PARD3B: variants seen among roughly 807,000 people sequenced by gnomAD.
The protein encoded by PARD3B is par-3 family cell polarity regulator beta.
In PARD3B, 103 loss-of-function variants were observed where a neutral mutation model predicts 130.2. The observed-to-expected ratio is 0.79, with a 90% confidence interval of 0.67 to 0.93. PARD3B has a LOEUF of 0.93. PARD3B is among the 40% of genes least tolerant of loss of function. The pLI, the probability that PARD3B is intolerant of heterozygous loss-of-function variation, is 0.00. For missense variants in PARD3B, 1,609 were observed against 1,499.2 expected, an observed-to-expected ratio of 1.07 and a Z score of -1.21; for synonymous variants, 583 against 553.2, an observed-to-expected ratio of 1.05 and a Z score of -0.76.
At chr2:204,607,377 G>T (rs1207858117) in intron 1 of PARD3B, among the ~76,000 whole-genome samples, 4 of 152,114 alleles carry the variant, frequency 2.6e-5, no homozygotes, top group Non-Finnish European at 5.9e-5. Context: ...AAGTGCAGTA[G>T]ACATGGGCTA....
Position 204,711,679 on chromosome 2 carries a change from G to A in PARD3B, c.222+25397G>A, listed in dbSNP as rs182828145. Reference sequence around the variant, plus strand: ...TCCTGCCTCAGCCTCCTGAGTAGCTGGGACCACAGGCATGCACCACCATGC... The same window carrying A: ...TCCTGCCTCAGCCTCCTGAGTAGCTAGGACCACAGGCATGCACCACCATGC... On this transcript the variant is annotated intron_variant, in intron 2 of 22. Coordinates refer to ENST00000406610, the MANE Select transcript of PARD3B (RefSeq NM_001302769.2). Among the ~76,000 whole-genome samples, 252 of 151,912 alleles carry A rather than the reference G, an allele frequency of 1.7e-3. 1 individual carries two copies. The highest frequency in any genetic ancestry group is 5.9e-3 in the African/African-American group (244 of 41,426).
intron 2 of PARD3B, among the ~76,000 whole-genome samples, chr2:204,818,820 A>G (rs1021297228): frequency 5.3e-5 from 8 of 152,198 alleles, no homozygotes; most frequent in African/African-American, 1.9e-4. Flanking sequence ...ATATCTTGTT[A>G]TAGTTTAGAA....
intron 19 of PARD3B, among the ~76,000 whole-genome samples, chr2:205,427,056 C>A (rs2106114065): frequency 6.6e-6 from 1 of 152,296 alleles, no homozygotes. Flanking sequence ...CTAATTAAAA[C>A]TTCACCGAAA....
chr2:205,595,633 G>T (rs1160120031), intron 22 of PARD3B, among the ~76,000 whole-genome samples: 1 of 152,162 alleles, frequency 6.6e-6, no homozygotes, highest in East Asian at 1.9e-4. Context: ...ACCAAATATG[G>T]CTGGAGCAAA....
At chr2:204,619,641 A>G (rs1047924958) in intron 1 of PARD3B, among the ~76,000 whole-genome samples, 3 of 152,136 alleles carry the variant, frequency 2.0e-5, no homozygotes, top group Non-Finnish European at 4.4e-5. Context: ...TCCCATCAGA[A>G]TATGACTTCT....
At chr2:205,602,999 T>G (rs1289732342) in intron 22 of PARD3B, among the ~76,000 whole-genome samples, 1 of 152,214 alleles carries the variant, frequency 6.6e-6, no homozygotes, top group Non-Finnish European at 1.5e-5. Flanking sequence ...TGGGCATTAG[T>G]GCTATAAATT....
chr2:205,314,165 A>G (rs1051759141), intron 18 of PARD3B, among the ~76,000 whole-genome samples: 1 of 152,142 alleles, frequency 6.6e-6, no homozygotes, highest in African/African-American at 2.4e-5. Flanking sequence ...GGCAAATGGA[A>G]TCCGTTCTTT....
In PARD3B at chr2:205,146,764, G is replaced by T. The variant is rs917385671; in HGVS notation, c.1435-11958G>T. Among the ~76,000 whole-genome samples the T allele has an allele frequency of 4.6e-5, 7 of 151,914 alleles. No homozygotes were observed. Among genetic ancestry groups the T allele is most frequent in the African/African-American group, 1.4e-4 (6 of 41,442 alleles). On this transcript the variant is annotated intron_variant, in intron 10 of 22. Coordinates refer to ENST00000406610, the MANE Select transcript of PARD3B (RefSeq NM_001302769.2). The surrounding 1 kb of genome is among the most constrained non-coding windows in gnomAD (Gnocchi z 4.3). ...TGTTTTTAAGATGGAGTCTCACTCT[G>T]TTGCCCAGGGTGGAATGCAGTGGAG...
At chr2:204,743,368 T>A (rs1162465510) in intron 2 of PARD3B, among the ~76,000 whole-genome samples, 2 of 152,140 alleles carry the variant, frequency 1.3e-5, no homozygotes, top group Non-Finnish European at 2.9e-5. Context: ...ATTTTATGGT[T>A]CTTTGCTTTA....
intron 1 of PARD3B, among the ~76,000 whole-genome samples, chr2:204,582,848 T>G (rs2032633686): frequency 6.6e-6 from 1 of 152,232 alleles, no homozygotes; most frequent in Non-Finnish European, 1.5e-5. Context: ...TGGTATCTCA[T>G]AGTGGTTTTG....
intron 1 of PARD3B, among the ~76,000 whole-genome samples, chr2:204,647,238 G>A (rs1301619316): frequency 2.6e-5 from 4 of 151,724 alleles, no homozygotes; most frequent in African/African-American, 4.8e-5. Flanking sequence ...TTTATTGGTC[G>A]TTTATTCTTT....
intron 21 of PARD3B, among the ~76,000 whole-genome samples, chr2:205,507,609 G>A (rs576835357): frequency 3.6e-4 from 55 of 152,256 alleles, no homozygotes; most frequent in African/African-American, 1.3e-3. Context: ...AAGGATAGGT[G>A]AAGAGAGAGT....
intron 15 of PARD3B, among the ~76,000 whole-genome samples, chr2:205,218,300 A>G (rs2038058788): frequency 2.0e-5 from 3 of 152,174 alleles, no homozygotes; most frequent in South Asian, 2.1e-4. Context: ...CCTAGAGCCT[A>G]TAAGCTTTAC....
intron 18 of PARD3B, among the ~76,000 whole-genome samples, chr2:205,343,133 A>C (rs2043603991): frequency 6.6e-6 from 1 of 152,204 alleles, no homozygotes; most frequent in Non-Finnish European, 1.5e-5. Flanking sequence ...AGGTCGTCTT[A>C]CTTCTCTGCA....
At chr2:205,077,465 A>G (rs1201081989) in intron 4 of PARD3B, among the ~76,000 whole-genome samples, 2 of 151,974 alleles carry the variant, frequency 1.3e-5, no homozygotes, top group African/African-American at 4.8e-5. Context: ...TTTGCAGAAC[A>G]CTCTCAGTAT....
chr2:204,817,429 C>T (rs1307145091), intron 2 of PARD3B, among the ~76,000 whole-genome samples: 2 of 152,068 alleles, frequency 1.3e-5, no homozygotes, highest in Non-Finnish European at 2.9e-5. Context: ...AATGATCAGT[C>T]TACATGTAAC....
chr2:204,882,007 C>T (rs1219123314), intron 2 of PARD3B, among the ~76,000 whole-genome samples: 1 of 152,152 alleles, frequency 6.6e-6, no homozygotes, highest in Admixed American at 6.5e-5. Context: ...AAGACACATC[C>T]TGGCGTCAGG....
At chr2:204,838,297 C>T (rs2044129188) in intron 2 of PARD3B, among the ~76,000 whole-genome samples, 1 of 151,930 alleles carries the variant, frequency 6.6e-6, no homozygotes, top group East Asian at 1.9e-4. Context: ...ACTCTCCTAC[C>T]TCAGCCTCCC....
intron 20 of PARD3B, among the ~76,000 whole-genome samples, chr2:205,450,428 T>A (rs2048055390): frequency 6.7e-6 from 1 of 149,194 alleles, no homozygotes; most frequent in Non-Finnish European, 1.5e-5. Flanking sequence ...AGTGAGGAGA[T>A]GAAAGGCAAG....
Sources: gnomAD v4.1 joint callset for allele counts (sites outside exome capture counted in the v4.1 genomes callset) on GRCh38, gnomAD v4.1.1 for gene constraint, Gnocchi (gnomAD v3.1) non-coding constraint, MANE v1.5 for transcripts, NCBI Gene and HGNC (gene_info 2026-07-23, HGNC 2026-07-21) for gene names.